Variants in PCNX2 observed in about 807,000 individuals in gnomAD.
PCNX2 encodes pecanex 2, also known as pecanex-like protein 2.
In PCNX2, 168 loss-of-function variants were observed where a neutral mutation model predicts 223.8. The ratio of observed to expected loss-of-function variants is 0.75; its 90% CI spans 0.66 to 0.85. The LOEUF (loss-of-function observed/expected upper bound fraction) is 0.85. PCNX2 is among the 40% of genes least tolerant of loss of function. PCNX2 has a pLI of 0.00. For missense variants in PCNX2, 2,507 were observed against 2,675.5 expected, an observed-to-expected ratio of 0.94 and a Z score of 1.39; for synonymous variants, 1,006 against 1,052.6, an observed-to-expected ratio of 0.96 and a Z score of 0.86.
At chr1:232,999,983 T>C (rs1345031540) in intron 30 of PCNX2, among the ~76,000 whole-genome samples, 1 of 152,242 alleles carries the variant, frequency 6.6e-6, no homozygotes, top group Non-Finnish European at 1.5e-5. Context: ...GTGTGGGTTC[T>C]AGAGAATAAA....
chr1:233,093,283 T>C (rs1184759665), intron 22 of PCNX2, among the ~76,000 whole-genome samples: 3 of 152,234 alleles, frequency 2.0e-5, no homozygotes, highest in Admixed American at 6.5e-5. Context: ...TATTCTCATC[T>C]TTCCCTGGAG....
Position 233,258,138 on chromosome 1 carries a change from T to G in PCNX2, c.1724A>C (p.Asn575Thr). The G allele has an allele frequency of 6.2e-7, 1 of 1,613,996 alleles. No homozygotes were observed. Among genetic ancestry groups the G allele is most frequent in the East Asian group, 2.2e-5 (1 of 44,860 alleles). The change falls in exon 5 of 34, where the codon AAC (asparagine) becomes ACC (threonine). Residue 575 changes from asparagine to threonine, a missense_variant. Physicochemically the swap from Asn to Thr is moderately conservative, Grantham distance 65 (BLOSUM62 0). This residue lies in a region of PCNX2 where 1,031 missense variants were observed against 1,021.7 expected (regional missense o/e 1.01). Transcript: ENST00000258229. ...TAACAGGGAGACAAATTCCAGGAAG[T>G]TGGACTCATTTGGCATTTGTCCTTC... The part of the protein sequence containing the change: ...AKEGQMPNES[N>T]FLEFVSLLES...
At chr1:233,276,830 C>A (rs1343249736) in intron 1 of PCNX2, among the ~76,000 whole-genome samples, 4 of 152,246 alleles carry the variant, frequency 2.6e-5, no homozygotes, top group Non-Finnish European at 5.9e-5. Flanking sequence ...CTGTGCCAGG[C>A]ACCGTGCATG....
chr1:233,240,080 A>T lies in PCNX2; in HGVS notation c.2223-3100T>A, dbSNP rs150921392. Among the ~76,000 whole-genome samples, 430 of 152,258 alleles carry T rather than the reference A, an allele frequency of 2.8e-3. 2 individuals carry two copies. Among genetic ancestry groups the T allele is most frequent in the African/African-American group, 0.01 (419 of 41,546 alleles). On this transcript the variant is annotated intron_variant, in intron 8 of 33. Transcript: ENST00000258229. ...ATTGTCATGTGTATATGGGCTCTCC[A>T]TTTGGCCAGGAGGAAATGGTTACAT...
chr1:233,305,628 T>C, the PCNX2 span, among the ~76,000 whole-genome samples: 1 of 152,126 alleles, frequency 6.6e-6, no homozygotes, highest in Non-Finnish European at 1.5e-5. Flanking sequence ...ATAATTTTTA[T>C]ATTTTTTGTA....
chr1:233,219,442 C>T (rs1657235203), intron 10 of PCNX2, among the ~76,000 whole-genome samples: 1 of 152,118 alleles, frequency 6.6e-6, no homozygotes, highest in African/African-American at 2.4e-5. Flanking sequence ...ACGGCATGGA[C>T]CACAGGGTCA....
chr1:233,324,396 C>A, the PCNX2 span, among the ~76,000 whole-genome samples: 1 of 152,128 alleles, frequency 6.6e-6, no homozygotes, highest in Non-Finnish European at 1.5e-5. Context: ...AGAGAGAAGT[C>A]CAGACCCGGC....
intron 22 of PCNX2, among the ~76,000 whole-genome samples, 176 bp from the exon 23 acceptor site, chr1:233,090,366 C>T (rs1308910041): frequency 6.6e-6 from 1 of 152,012 alleles, no homozygotes; most frequent in Admixed American, 6.6e-5. Context: ...TCAGTAGTAC[C>T]CTGCTAGGTC....
chr1:233,017,202 A>G (rs1289706524), intron 26 of PCNX2, 48 bp from the exon 27 acceptor site: 1 of 830,766 alleles, frequency 1.2e-6, no homozygotes. Flanking sequence ...TTAATCTTAG[A>G]AAGTAAATCA....
chr1:233,110,600 GAAAT>G (rs1226145681), intron 21 of PCNX2, among the ~76,000 whole-genome samples: 3 of 152,138 alleles, frequency 2.0e-5, no homozygotes, highest in Non-Finnish European at 1.5e-5. Context: ...CATTGGGAAT[GAAAT>G]AAATAAATTA....
intron 17 of PCNX2, chr1:233,167,673 T>C (rs1165601602): frequency 2.3e-5 from 21 of 900,116 alleles, no homozygotes; most frequent in Non-Finnish European, 2.8e-5. Flanking sequence ...CATTGTGTTA[T>C]ATACTTTAAA....
intron 26 of PCNX2, among the ~76,000 whole-genome samples, chr1:233,021,262 ATCTGCCCAAAAATCTCAGCCCCATCCTG>A (rs1417578109): frequency 6.6e-6 from 1 of 152,196 alleles, no homozygotes; most frequent in East Asian, 1.9e-4. Flanking sequence ...GTTTTTGGGC[ATCTGCCCAAAAATCTCAGCCCCATCCTG>A]AGTGCTGACT....
chr1:233,241,701 C>A (rs57429357), intron 8 of PCNX2, among the ~76,000 whole-genome samples: 12,586 of 152,162 alleles, frequency 0.083, 1,342 homozygotes, highest in African/African-American at 0.25. Context: ...CTATATGCAT[C>A]TCTCAAATAT....
intron 21 of PCNX2, among the ~76,000 whole-genome samples, chr1:233,098,438 A>T (rs756987202): frequency 3.9e-5 from 6 of 152,342 alleles, no homozygotes; most frequent in Non-Finnish European, 8.8e-5. Flanking sequence ...AGGATTCCAG[A>T]TATAAGCACT....
At chr1:233,145,418 C>T (rs745993950) in intron 19 of PCNX2, among the ~76,000 whole-genome samples, 2 of 152,030 alleles carry the variant, frequency 1.3e-5, no homozygotes, top group South Asian at 4.1e-4. Context: ...TCATTTTTTT[C>T]CATGTTAATA....
chr1:233,019,077 T>C (rs1417442086), intron 26 of PCNX2: 1 of 985,190 alleles, frequency 1.0e-6, no homozygotes, highest in Non-Finnish European at 1.2e-6. Context: ...CTTGGGTATC[T>C]GGTTTCAAGG....
At chr1:233,066,048 C>A (rs1672593560) in intron 23 of PCNX2, among the ~76,000 whole-genome samples, 1 of 152,186 alleles carries the variant, frequency 6.6e-6, no homozygotes, top group Admixed American at 6.5e-5. Flanking sequence ...CCATAAAAAC[C>A]CTGGACTCAG....
At chr1:233,037,187 G>T (rs1671482974) in intron 25 of PCNX2, among the ~76,000 whole-genome samples, 1 of 152,152 alleles carries the variant, frequency 6.6e-6, no homozygotes, top group Non-Finnish European at 1.5e-5. Context: ...CATGACTAAG[G>T]CCACAGAGAA....
At chr1:233,286,436 T>C (rs1294466386) in intron 1 of PCNX2, among the ~76,000 whole-genome samples, 1 of 152,172 alleles carries the variant, frequency 6.6e-6, no homozygotes, top group African/African-American at 2.4e-5. Flanking sequence ...GCTGGCTAGC[T>C]GCTTTGATGG....
Sources: allele counts gnomAD v4.1 joint callset (sites outside exome capture counted in the v4.1 genomes callset), GRCh38; gene constraint gnomAD v4.1.1; regional missense constraint gnomAD v4.1.1; transcripts MANE v1.5; gene names NCBI Gene and HGNC (gene_info 2026-07-23, HGNC 2026-07-21).